GRHL1: variants seen among roughly 807,000 people sequenced by gnomAD.
The protein encoded by GRHL1 is grainyhead-like protein 1 homolog.
Under a neutral mutation model 75.7 loss-of-function variants are expected in GRHL1, and 38 were observed. The observed-to-expected ratio is 0.50, with a 90% confidence interval of 0.39 to 0.66. GRHL1 has a LOEUF of 0.66. Among genes scored for constraint, GRHL1 ranks in the 30% least tolerant of loss-of-function variants. GRHL1 has a pLI of 0.00. For missense variants in GRHL1, 589 were observed against 767.5 expected (o/e 0.77, Z 2.75); for synonymous variants, 266 against 279.4 (o/e 0.95, Z 0.48).
chr2:9,970,420 AT>A (rs1667675431), intron 8 of GRHL1, among the ~76,000 whole-genome samples: 1 of 152,200 alleles, frequency 6.6e-6, no homozygotes, highest in South Asian at 2.1e-4. Flanking sequence ...AGATTTGGGC[AT>A]TTCTCCTGAA....
chr2:9,958,662 G>A, intron 2 of GRHL1, 124 bp from the exon 3 acceptor site: 1 of 690,846 alleles, frequency 1.4e-6, no homozygotes, highest in Non-Finnish European at 2.5e-6. Context: ...ATAGCCTGGT[G>A]TTTGCTAGGC....
intron 9 of GRHL1, among the ~76,000 whole-genome samples, chr2:9,989,164 T>C (rs1668540814): frequency 6.6e-6 from 1 of 152,198 alleles, no homozygotes; most frequent in African/African-American, 2.4e-5. Flanking sequence ...TACCACCTTC[T>C]AGAAAAGGCA....
At chr2:9,977,039 T>G (rs368439100) in intron 8 of GRHL1, among the ~76,000 whole-genome samples, 80 of 152,376 alleles carry the variant, frequency 5.3e-4, no homozygotes, top group African/African-American at 1.9e-3. Flanking sequence ...CTGTCTCTTT[T>G]TCATTTCATT....
rs1669058794 is a variant in GRHL1, at chr2:9,998,653, T to TATACATATATATGTACACATATAC, written c.1678-289_1678-288insCATACATATATATGTACACATATA. Among the ~76,000 whole-genome samples, 5 of 55,894 alleles carry TATACATATATATGTACACATATAC rather than the reference T, an allele frequency of 8.9e-5. 2 individuals are homozygous for TATACATATATATGTACACATATAC. Among genetic ancestry groups the TATACATATATATGTACACATATAC allele is most frequent in the Non-Finnish European group, 1.6e-4 (5 of 32,006 alleles). The allele number at this position is 55,894 out of a possible 152,430, so 36.7% of individuals were successfully genotyped here. ...ATACATATATATGTACACATATACATATACATATATATGTACACATATATA... is the reference window on the plus strand; with the variant it reads ...ATACATATATATGTACACATATACATATACATATATATGTACACATATACATACATATATATGTACACATATATA... On this transcript the variant is annotated intron_variant, in intron 14 of 15. Transcript: ENST00000324907.
intron 2 of GRHL1, among the ~76,000 whole-genome samples, chr2:9,957,150 C>T (rs1667064112): frequency 6.6e-6 from 1 of 151,634 alleles, no homozygotes. Flanking sequence ...ATAGGTCATG[C>T]CTGGCTAATT....
intron 12 of GRHL1, among the ~76,000 whole-genome samples, chr2:9,995,546 C>T (rs1668823008): frequency 6.6e-6 from 1 of 150,634 alleles, no homozygotes; most frequent in African/African-American, 2.5e-5. Flanking sequence ...GATTGCACCA[C>T]TGCACTCCAG....
At chr2:9,994,163 G>T in intron 12 of GRHL1, among the ~76,000 whole-genome samples, 1 of 151,948 alleles carries the variant, frequency 6.6e-6, no homozygotes, top group Non-Finnish European at 1.5e-5. Flanking sequence ...TTTACTTTTA[G>T]AGACAGGGTC....
chr2:9,997,342 C>T (rs11684500), intron 14 of GRHL1, among the ~76,000 whole-genome samples: 3,200 of 152,126 alleles, frequency 0.021, 120 homozygotes, highest in African/African-American at 0.073. Flanking sequence ...GGAGATGGGG[C>T]GTGGGTTTGG....
intron 8 of GRHL1, among the ~76,000 whole-genome samples, chr2:9,983,811 ACT>A: frequency 6.7e-6 from 1 of 149,062 alleles, no homozygotes; most frequent in East Asian, 2.0e-4. Context: ...CATTCCACAG[ACT>A]CTCCTTACCT....
rs1558319840 is a variant in GRHL1 at position 9,998,514 on chromosome 2, A to ATATATATACATATATACG, written c.1678-435_1678-434insCGTATATATACATATATA. On this transcript the variant is annotated intron_variant, in intron 14 of 15. Coordinates refer to ENST00000324907, the MANE Select transcript of GRHL1 (RefSeq NM_198182.3). ...TACGTATATATACATATATATACGTATATATATACATATATATACGTATAT... is the reference window on the plus strand; with the variant it reads ...TACGTATATATACATATATATACGTATATATATACATATATACGTATATATACATATATATACGTATAT... Among the ~76,000 whole-genome samples the ATATATATACATATATACG allele has an allele frequency of 6.1e-3, 222 of 36,530 alleles. 74 individuals carry two copies. Among genetic ancestry groups the ATATATATACATATATACG allele is most frequent in the Non-Finnish European group, 9.2e-3 (198 of 21,412 alleles). The allele number at this position is 36,530 out of a possible 152,430, so 24.0% of individuals were successfully genotyped here. A position where few individuals can be genotyped will look rare whatever the true frequency, so the allele number is the denominator to read the frequency against.
Position 9,995,943 on chromosome 2 carries a change from C to A in GRHL1, c.1564C>A (p.Leu522Met). The A allele has an allele frequency of 6.2e-7, 1 of 1,610,808 alleles. No individual in the cohort carries two copies. The highest frequency in any genetic ancestry group is 8.5e-7 in the Non-Finnish European group (1 of 1,176,880). The change falls in exon 13 of 16, where the codon CTG (leucine) becomes ATG (methionine). Residue 522 changes from leucine to methionine, a missense_variant. Transcript: ENST00000324907. ...DDFAVPPSTK[L>M]ARIEEPKRVL... is the part of the protein sequence containing the mutation. The stretch of plus-strand genomic sequence containing the variant: ...CTTTGCTGTCCCTCCTTCTACCAAG[C>A]TGGCCCGGATAGAAGAACCAAAGAG...
At chr2:9,979,649 GA>G (rs148681588) in intron 8 of GRHL1, among the ~76,000 whole-genome samples, 2,928 of 150,974 alleles carry the variant, frequency 0.019, 37 homozygotes, top group Non-Finnish European at 0.029. Context: ...TTTCTCAGTG[GA>G]AAAAAAAATT....
Position 9,999,095 on chromosome 2 carries a change from G to A in GRHL1, c.1742+66G>A, listed in dbSNP as rs375224667. On this transcript the variant is annotated intron_variant, in intron 15 of 15. Coordinates refer to ENST00000324907, the MANE Select transcript of GRHL1 (RefSeq NM_198182.3). ...ATGCCCCCCGCAGTGCTAGTGTGAC[G>A]CACCCCCCAGTGCTGTTGACACCCC... 88 of 706,242 alleles carry A rather than the reference G, an allele frequency of 1.2e-4. 1 individual carries two copies. Among genetic ancestry groups the A allele is most frequent in the Non-Finnish European group, 1.8e-4 (78 of 424,916 alleles). 43.7% of individuals were successfully genotyped at this position (706,242 alleles called of 1,614,324 possible).
chr2:9,964,850 C>T (rs1052129880), intron 7 of GRHL1: 1 of 172,346 alleles, frequency 5.8e-6, no homozygotes, highest in African/African-American at 2.4e-5. Flanking sequence ...ACACAGACCT[C>T]TGTTCTTGCC....
At chr2:9,961,887 A>G (rs1268462867) in intron 4 of GRHL1, among the ~76,000 whole-genome samples, 1 of 152,164 alleles carries the variant, frequency 6.6e-6, no homozygotes, top group Non-Finnish European at 1.5e-5. Context: ...AGGTTTACAA[A>G]TTAATTCCAA....
At chr2:9,953,308 T>G (rs1666875993) in intron 1 of GRHL1, among the ~76,000 whole-genome samples, 1 of 152,276 alleles carries the variant, frequency 6.6e-6, no homozygotes, top group African/African-American at 2.4e-5. Context: ...GAAGTAGCTA[T>G]TACGCTATTA....
intron 8 of GRHL1, among the ~76,000 whole-genome samples, chr2:9,969,842 C>CTTTTTT (rs70948859): frequency 7.7e-6 from 1 of 129,524 alleles, no homozygotes; most frequent in African/African-American, 2.9e-5. Context: ...AGTTAGCACA[C>CTTTTTT]TTTTTTTTTT....
rs758436516 is a variant in GRHL1 at position 9,955,059 on chromosome 2, A to G, written c.165A>G (p.Glu55=). The G allele has an allele frequency of 6.2e-7, 1 of 1,613,840 alleles. No homozygotes were observed. The highest frequency in any genetic ancestry group is 8.5e-7 in the Non-Finnish European group (1 of 1,179,732). ...CGATGATGAGCATCAATGGAGATGA[A>G]GACAGCGCCGCTGCGCTGGGCCTGC... ...TKAMMSINGD[E]DSAAALGLLY... is the part of the protein sequence containing the mutation. The change falls in exon 2 of 16, where the codon GAA becomes GAG. Residue 55 remains glutamate, a synonymous_variant. Coordinates refer to ENST00000324907, the MANE Select transcript of GRHL1 (RefSeq NM_198182.3).
intron 1 of GRHL1, chr2:9,953,010 T>C: frequency 2.2e-6 from 1 of 456,788 alleles, no homozygotes; most frequent in Non-Finnish European, 4.4e-6. Context: ...CTTCGGCGAC[T>C]GAAGCCTACT....
Sources: allele counts gnomAD v4.1 joint callset (sites outside exome capture counted in the v4.1 genomes callset), GRCh38; gene constraint gnomAD v4.1.1; transcripts MANE v1.5; gene names NCBI Gene and HGNC (gene_info 2026-07-23, HGNC 2026-07-21).